Variants in NLGN4X observed in about 807,000 individuals in gnomAD.
NLGN4X encodes the protein neuroligin 4 X-linked.
Under a neutral mutation model 40.3 loss-of-function variants are expected in NLGN4X, and 3 were observed. That is an observed-to-expected ratio of 0.07 (90% CI 0.03 to 0.19). The LOEUF (loss-of-function observed/expected upper bound fraction) is 0.19, where lower values mean the gene tolerates loss of function less well. Ranked by LOEUF, NLGN4X falls within the 10% of genes least tolerant of loss-of-function variation. The pLI is 1.00. For missense variants in NLGN4X, 382 were observed against 708.3 expected (o/e 0.54, Z 5.23); for synonymous variants, 270 against 306.8 (o/e 0.88, Z 1.25).
intron 1 of NLGN4X, among the ~76,000 whole-genome samples, chrX:6,199,560 A>G (rs1602410519): frequency 8.9e-6 from 1 of 111,788 alleles, no homozygotes; most frequent in East Asian, 2.8e-4. Flanking sequence ...ACATAGACTC[A>G]TCCATCCAGT....
At chrX:5,983,144 T>TG (rs1242610863) in intron 3 of NLGN4X, among the ~76,000 whole-genome samples, 2 of 112,745 alleles carry the variant, frequency 1.8e-5, no homozygotes, top group Non-Finnish European at 3.7e-5. Flanking sequence ...AATTCAGTCT[T>TG]GCAAGTGCTT....
chrX:6,103,489 C>A (rs184589917), intron 2 of NLGN4X, among the ~76,000 whole-genome samples: 1 of 112,220 alleles, frequency 8.9e-6, no homozygotes, highest in Non-Finnish European at 1.9e-5. Flanking sequence ...ATCACAGTTG[C>A]ATGTCTTTCT....
At chrX:6,028,182 A>G (rs1308152243) in intron 3 of NLGN4X, among the ~76,000 whole-genome samples, 3 of 111,684 alleles carry the variant, frequency 2.7e-5, no homozygotes, top group Non-Finnish European at 5.6e-5. Context: ...CATCTCTCTC[A>G]TGGCTAACTT....
At position 5,925,879 on chromosome X, in the gene NLGN4X, CACATATATATATATATATATATATATAT is replaced by C. The variant is rs2033270597; in HGVS notation, c.626-16668_626-16641del. Among the ~76,000 whole-genome samples, 95 of 46,804 alleles carry C rather than the reference CACATATATATATATATATATATATATAT, an allele frequency of 2.0e-3. 3 individuals carry two copies. The highest frequency in any genetic ancestry group is 7.9e-3 in the Admixed American group (21 of 2,653). 40.6% of individuals were successfully genotyped at this position (46,804 alleles called of 115,157 possible). A position where few individuals can be genotyped will look rare whatever the true frequency, so the allele number is the denominator to read the frequency against. On this transcript the variant is annotated intron_variant, in intron 3 of 5. Transcript: ENST00000381095. Reference sequence around the variant, plus strand: ...ATATATATATATATATATACATACACACATATATATATATATATATATATATATATATATATATATATATATATATATA... The same window carrying C: ...ATATATATATATATATATACATACACATATATATATATATATATATATATA...
In NLGN4X at chrX:5,950,642, C is replaced by T. The variant is rs377755046; in HGVS notation, c.626-41403G>A. ...TGTACAAGGAGATGAAAGTGTATAA[C>T]CATAAGGACTCTAAATGTTACTTAA... On this transcript the variant is annotated intron_variant, in intron 3 of 5. Transcript: ENST00000381095. 7.1e-5 allele frequency among the ~76,000 whole-genome samples: 8 copies of T among 111,979 alleles called. No homozygotes were observed. In the East Asian group the frequency reaches 1.4e-3, roughly 20 times the overall value.
chrX:6,139,503 G>A (rs781395003), intron 2 of NLGN4X, among the ~76,000 whole-genome samples: 1 of 112,093 alleles, frequency 8.9e-6, no homozygotes, highest in East Asian at 2.8e-4. Context: ...TGCAGCTAAA[G>A]AAGCAATAAA....
chrX:6,079,739 G>A (rs2038298702), intron 2 of NLGN4X, among the ~76,000 whole-genome samples: 1 of 112,100 alleles, frequency 8.9e-6, no homozygotes, highest in South Asian at 3.7e-4. Flanking sequence ...TATTGTTTAT[G>A]TGCTTATAAT....
At chrX:6,084,002 T>G (rs1360680958) in intron 2 of NLGN4X, among the ~76,000 whole-genome samples, 1 of 111,861 alleles carries the variant, frequency 8.9e-6, no homozygotes, top group Non-Finnish European at 1.9e-5. Flanking sequence ...ATATACAGAA[T>G]GAAGTCAAGA....
chrX:5,919,782 T>C (rs760108659), intron 3 of NLGN4X, among the ~76,000 whole-genome samples: 2 of 111,855 alleles, frequency 1.8e-5, no homozygotes, highest in Admixed American at 9.5e-5. Context: ...AAAAATTATC[T>C]TCCGTGAAAT....
intron 3 of NLGN4X, among the ~76,000 whole-genome samples, chrX:5,980,617 G>T (rs1353901465): frequency 9.4e-6 from 1 of 106,494 alleles, no homozygotes; most frequent in Non-Finnish European, 1.9e-5. Flanking sequence ...TTTGTATATG[G>T]ATACTTAATG....
At chrX:6,050,070 C>G (rs997261920) in intron 2 of NLGN4X, among the ~76,000 whole-genome samples, 2 of 111,911 alleles carry the variant, frequency 1.8e-5, no homozygotes, top group Non-Finnish European at 3.8e-5. Context: ...TCTCCCACTT[C>G]AGAGCCACAG....
chrX:5,914,473 T>C (rs2146786949), intron 3 of NLGN4X, among the ~76,000 whole-genome samples: 1 of 111,179 alleles, frequency 9.0e-6, no homozygotes, highest in South Asian at 3.8e-4. Flanking sequence ...TAGGAGATCA[T>C]TCCTTGCATA....
intron 4 of NLGN4X, among the ~76,000 whole-genome samples, chrX:5,906,740 C>T (rs746223963): frequency 8.1e-5 from 9 of 111,257 alleles, no homozygotes; most frequent in Non-Finnish European, 1.5e-4. Context: ...TCTCAAACTC[C>T]TGGGCTCAAG....
intron 2 of NLGN4X, among the ~76,000 whole-genome samples, chrX:6,083,726 T>TG (rs776038074): frequency 8.9e-6 from 1 of 112,340 alleles, no homozygotes; most frequent in Admixed American, 9.4e-5. Context: ...GTTTGTATCT[T>TG]GGACACACTG....
At chrX:6,011,800 T>C (rs1474705899) in intron 3 of NLGN4X, among the ~76,000 whole-genome samples, 5 of 111,474 alleles carry the variant, frequency 4.5e-5, no homozygotes, top group Non-Finnish European at 9.4e-5. Flanking sequence ...TTACACGATC[T>C]CTTCATGGTA....
At chrX:6,021,632 CACA>C (rs1250550133) in intron 3 of NLGN4X, among the ~76,000 whole-genome samples, 1 of 111,099 alleles carries the variant, frequency 9.0e-6, no homozygotes, top group Non-Finnish European at 1.9e-5. Flanking sequence ...AATCTGCAGC[CACA>C]ACAACCATGG....
At chrX:5,979,501 C>G (rs1377406786) in intron 3 of NLGN4X, among the ~76,000 whole-genome samples, 1 of 110,596 alleles carries the variant, frequency 9.0e-6, no homozygotes, top group Non-Finnish European at 1.9e-5. Context: ...AAATCCTCAC[C>G]AAGCCCTGGC....
At chrX:5,942,081 T>A (rs2033964745) in intron 3 of NLGN4X, among the ~76,000 whole-genome samples, 2 of 109,268 alleles carry the variant, frequency 1.8e-5, no homozygotes, top group Admixed American at 9.8e-5. Context: ...CATAACAACA[T>A]CCTGCGTCAA....
intron 3 of NLGN4X, among the ~76,000 whole-genome samples, chrX:5,963,722 G>A (rs1214215335): frequency 8.9e-6 from 1 of 111,973 alleles, no homozygotes; most frequent in Non-Finnish European, 1.9e-5. Context: ...TATCAATTCT[G>A]CTCACTAAAC....
Sources: allele counts gnomAD v4.1 joint callset (sites outside exome capture counted in the v4.1 genomes callset), GRCh38; gene constraint gnomAD v4.1.1; transcripts MANE v1.5; gene names NCBI Gene and HGNC (gene_info 2026-07-23, HGNC 2026-07-21).